Variants in SAMD12 observed in about 807,000 individuals in gnomAD.
The protein encoded by SAMD12 is sterile alpha motif domain-containing protein 12.
SAMD12 carries 9 observed loss-of-function variants against 15.0 expected under a neutral mutation model. The observed-to-expected ratio is 0.60, with a 90% CI of 0.36 to 1.05. SAMD12 has a LOEUF of 1.05. Among genes scored for constraint, SAMD12 ranks in the 50% least tolerant of loss-of-function variants. SAMD12 has a pLI of 0.01. For missense variants in SAMD12, 230 were observed against 234.2 expected, an observed-to-expected ratio of 0.98 and a Z score of 0.12; for synonymous variants, 86 against 90.1, an observed-to-expected ratio of 0.96 and a Z score of 0.25.
chr8:118,579,866 GCCC>G (rs1674849059), intron 2 of SAMD12, among the ~76,000 whole-genome samples: 1 of 152,104 alleles, frequency 6.6e-6, no homozygotes, highest in Non-Finnish European at 1.5e-5. Flanking sequence ...ACAACACTGT[GCCC>G]CCAACATGAA....
chr8:118,174,463 GC>G, the SAMD12 span, among the ~76,000 whole-genome samples: 1 of 152,124 alleles, frequency 6.6e-6, no homozygotes, highest in Non-Finnish European at 1.5e-5. Flanking sequence ...ATCTGCGTGG[GC>G]CATTCATTCA....
chr8:118,559,931 T>C (rs1826657898), intron 2 of SAMD12, among the ~76,000 whole-genome samples: 1 of 152,150 alleles, frequency 6.6e-6, no homozygotes, highest in Non-Finnish European at 1.5e-5. Context: ...AAAATAAAGT[T>C]TCAAAAATAA....
the SAMD12 span, among the ~76,000 whole-genome samples, chr8:118,153,897 A>G: frequency 3.7e-4 from 56 of 152,038 alleles, no homozygotes; most frequent in Non-Finnish European, 7.1e-4. Flanking sequence ...CCGTCATCCA[A>G]TTTGTTTTAG....
rs190832968 is a variant in SAMD12 at position 118,313,948 on chromosome 8, A to G, written c.433+65612T>C. The stretch of plus-strand genomic sequence containing the variant: ...GAGATGGGGGGATCTCATGCTGATG[A>G]ATAATTCTGAATTTTTACTTGAAAG... On this transcript the variant is annotated intron_variant, in intron 4 of 4. Transcript: ENST00000409003. 3.3e-5 allele frequency among the ~76,000 whole-genome samples: 5 copies of G among 151,916 alleles called. No individual in the cohort carries two copies. In the East Asian group the frequency reaches 5.8e-4, roughly 18 times the overall value.
chr8:118,268,696 C>T (rs1040888435), intron 4 of SAMD12, among the ~76,000 whole-genome samples: 6 of 152,146 alleles, frequency 3.9e-5, no homozygotes, highest in Non-Finnish European at 8.8e-5. Flanking sequence ...CACCTGTAAT[C>T]CCAGCTACTT....
the SAMD12 span, among the ~76,000 whole-genome samples, chr8:118,171,607 A>G: frequency 2.0e-5 from 3 of 152,194 alleles, no homozygotes; most frequent in African/African-American, 7.2e-5. Flanking sequence ...GTGTGATTGC[A>G]TTCATATGAA....
downstream of SAMD12, among the ~76,000 whole-genome samples, chr8:118,377,400 A>AAAAACC (rs1229412593): frequency 3.9e-5 from 6 of 152,182 alleles, no homozygotes; most frequent in East Asian, 1.9e-4. Flanking sequence ...TCTGTCTTGA[A>AAAAACC]AAAACCAAAA....
chr8:118,407,521 A>G (rs1821193676), intron 3 of SAMD12, among the ~76,000 whole-genome samples: 1 of 152,216 alleles, frequency 6.6e-6, no homozygotes, highest in African/African-American at 2.4e-5. Flanking sequence ...TGTTGGTAGA[A>G]GAAGGAGGTT....
chr8:118,572,999 C>G (rs1345231294), intron 2 of SAMD12, among the ~76,000 whole-genome samples: 1 of 152,190 alleles, frequency 6.6e-6, no homozygotes, highest in African/African-American at 2.4e-5. Context: ...ATTTCCCCTT[C>G]TGGCATTCAT....
At chr8:118,434,449 C>A (rs16891009) in intron 3 of SAMD12, among the ~76,000 whole-genome samples, 2,770 of 152,260 alleles carry the variant, frequency 0.018, 91 homozygotes, top group African/African-American at 0.064. Flanking sequence ...CTGGGGAGCT[C>A]TGAGTGCTTC....
chr8:118,323,279 A>C (rs116941542), intron 4 of SAMD12, among the ~76,000 whole-genome samples: 2,484 of 152,292 alleles, frequency 0.016, 36 homozygotes, highest in East Asian at 0.067. Context: ...CCCTATTTAT[A>C]TTATAAATTG....
chr8:118,169,128 T>A, the SAMD12 span, among the ~76,000 whole-genome samples: 342 of 152,296 alleles, frequency 2.2e-3, 2 homozygotes, highest in African/African-American at 7.5e-3. Flanking sequence ...ACAGGCTCAA[T>A]TATACCTCAA....
chr8:118,277,701 T>C (rs1464776711), intron 4 of SAMD12, among the ~76,000 whole-genome samples: 2 of 152,170 alleles, frequency 1.3e-5, no homozygotes, highest in African/African-American at 2.4e-5. Flanking sequence ...AGTTTTCATA[T>C]ACTGACTTTA....
At chr8:118,328,495 T>C (rs1324496836) in intron 4 of SAMD12, among the ~76,000 whole-genome samples, 1 of 152,226 alleles carries the variant, frequency 6.6e-6, no homozygotes, top group Non-Finnish European at 1.5e-5. Context: ...TAATTATTTG[T>C]GCAATTCTTT....
At chr8:118,530,866 G>A (rs1168851454) in intron 2 of SAMD12, among the ~76,000 whole-genome samples, 2 of 152,114 alleles carry the variant, frequency 1.3e-5, no homozygotes, top group Non-Finnish European at 2.9e-5. Context: ...CCTAGAGACA[G>A]GGACTTACTC....
intron 2 of SAMD12, among the ~76,000 whole-genome samples, chr8:118,546,116 G>C (rs1035862073): frequency 7.2e-5 from 11 of 152,162 alleles, no homozygotes; most frequent in Non-Finnish European, 1.6e-4. Flanking sequence ...AGCTTGCAGT[G>C]CAGCGAGAAA....
At chr8:118,406,840 T>C (rs759727240) in intron 3 of SAMD12, among the ~76,000 whole-genome samples, 48 of 151,964 alleles carry the variant, frequency 3.2e-4, no homozygotes, top group Non-Finnish European at 3.8e-4. Context: ...TTCACCCATG[T>C]TGTAGCATGT....
At chr8:118,517,604 G>A (rs1586781246) in intron 2 of SAMD12, among the ~76,000 whole-genome samples, 1 of 152,156 alleles carries the variant, frequency 6.6e-6, no homozygotes, top group Non-Finnish European at 1.5e-5. Flanking sequence ...AAACCACAAC[G>A]GCCCATGCAG....
intron 2 of SAMD12, among the ~76,000 whole-genome samples, chr8:118,534,759 C>T (rs574220130): frequency 6.6e-6 from 1 of 152,260 alleles, no homozygotes; most frequent in Admixed American, 6.5e-5. Context: ...TGTGCATGCA[C>T]CATGTAGTTC....
Sources: allele counts gnomAD v4.1 joint callset (sites outside exome capture counted in the v4.1 genomes callset), GRCh38; gene constraint gnomAD v4.1.1; transcripts MANE v1.5; gene names NCBI Gene and HGNC (gene_info 2026-07-23, HGNC 2026-07-21).